Variants in IL12RB1 observed in about 807,000 individuals in gnomAD.
IL12RB1 encodes interleukin 12 receptor subunit beta 1.
A neutral mutation model predicts 94.4 loss-of-function variants in IL12RB1; 64 were observed. The ratio of observed to expected loss-of-function variants is 0.68; its 90% CI spans 0.55 to 0.83. The LOEUF (loss-of-function observed/expected upper bound fraction) is 0.83, where lower values mean the gene tolerates loss of function less well. IL12RB1 is among the 40% of genes least tolerant of loss of function. The pLI is 0.00. For synonymous variants in IL12RB1, 362 were observed against 355.5 expected (o/e 1.02, Z -0.21); for missense variants, 814 against 855.6 (o/e 0.95, Z 0.61).
At chr19:18,069,763 C>A in intron 9 of IL12RB1, 50 bp from the exon 10 acceptor site, 1 of 1,354,808 alleles carries the variant, frequency 7.4e-7, no homozygotes, top group Non-Finnish European at 1.1e-6. Context: ...TCTCTCTCCC[C>A]AGTCCCCTTC....
chr19:18,088,752 G>T (rs906538831), upstream of IL12RB1, among the ~76,000 whole-genome samples: 5 of 151,912 alleles, frequency 3.3e-5, no homozygotes, highest in African/African-American at 4.8e-5. Context: ...ATGCTGGGCT[G>T]GGTGCAGTGG....
upstream of IL12RB1, chr19:18,087,027 G>T: frequency 8.9e-7 from 1 of 1,125,892 alleles, no homozygotes; most frequent in South Asian, 1.5e-5. Context: ...CAGCTCCGTG[G>T]TGGTGGTGAT....
Position 18,082,187 on chromosome 19 carries a change from C to A in IL12RB1, c.202G>T (p.Gly68Cys), listed in dbSNP as rs538026254. The A allele has an allele frequency of 6.2e-7, 1 of 1,613,702 alleles. No individual in the cohort carries two copies. The highest frequency in any genetic ancestry group is 2.2e-5 in the East Asian group (1 of 44,864). The change falls in exon 3 of 17, where the codon GGT becomes TGT. Residue 68 changes from glycine (G) to cysteine (C), a missense_variant. By Grantham distance (159) the Gly-to-Cys change is radical. Coordinates refer to ENST00000593993, the MANE Select transcript of IL12RB1 (RefSeq NM_005535.3). The part of the protein sequence containing the change: ...DRYECSWQYE[G>C]PTAGVSHFLR... Reference sequence around the variant, plus strand: ...AAGTGGCTGACCCCAGCTGTGGGACCCTCATACTGCCAGGAGCACTCGTAA... The same window carrying A: ...AAGTGGCTGACCCCAGCTGTGGGACACTCATACTGCCAGGAGCACTCGTAA...
At chr19:18,064,146 T>TC (rs1348795864) in intron 12 of IL12RB1, 136 bp from the exon 13 acceptor site, 12 of 601,936 alleles carry the variant, frequency 2.0e-5, no homozygotes, top group Non-Finnish European at 3.2e-5. Flanking sequence ...TTCTTTTTTT[T>TC]TTTTTTTTTT....
At chr19:18,061,060 G>A (rs1211964366) in intron 15 of IL12RB1, 62 bp downstream of exon 15, 8 of 873,698 alleles carry the variant, frequency 9.2e-6, no homozygotes, top group Admixed American at 5.9e-5. Context: ...GAGCTAATGC[G>A]TAACCCTTGT....
intron 1 of IL12RB1, among the ~76,000 whole-genome samples, chr19:18,084,382 T>TCATC (rs1411522699): frequency 1.5e-5 from 2 of 134,710 alleles, no homozygotes; most frequent in East Asian, 5.0e-4. Flanking sequence ...ATTCGTCCAT[T>TCATC]CATCCATCCA....
intron 7 of IL12RB1, among the ~76,000 whole-genome samples, chr19:18,074,380 T>C (rs555977179): frequency 2.2e-4 from 33 of 152,250 alleles, no homozygotes; most frequent in African/African-American, 7.7e-4. Flanking sequence ...AGCTGTTTAG[T>C]ACACCCTGCC....
chr19:18,062,011 G>A (rs1599442865), intron 14 of IL12RB1, among the ~76,000 whole-genome samples, 170 bp downstream of exon 14: 1 of 152,330 alleles, frequency 6.6e-6, no homozygotes, highest in African/African-American at 2.4e-5. Context: ...AGGCAGTCAC[G>A]GAGCTATAAC....
intron 9 of IL12RB1, among the ~76,000 whole-genome samples, chr19:18,070,338 G>A (rs1187819388): frequency 2.0e-5 from 3 of 152,224 alleles, no homozygotes; most frequent in East Asian, 1.9e-4. Context: ...CCTTGTAGGC[G>A]TCTCCGGCTG....
At chr19:18,083,757 C>CATCCATCG (rs1369499670) in intron 1 of IL12RB1, among the ~76,000 whole-genome samples, 2 of 151,552 alleles carry the variant, frequency 1.3e-5, no homozygotes, top group African/African-American at 4.9e-5. Flanking sequence ...TCCATCCATC[C>CATCCATCG]ATCCATCCAT....
At chr19:18,089,866 C>T (rs572684819), upstream of IL12RB1, among the ~76,000 whole-genome samples, 2 of 152,240 alleles carry the variant, frequency 1.3e-5, no homozygotes, top group South Asian at 2.1e-4. Flanking sequence ...GGGTCAGGCG[C>T]CCAGCAGGCT....
intron 16 of IL12RB1, 40 bp from the exon 17 acceptor site, chr19:18,059,653 T>A: frequency 1.3e-6 from 1 of 780,138 alleles, no homozygotes; most frequent in Non-Finnish European, 2.4e-6. Flanking sequence ...CAGGGGGTGG[T>A]TGTAGGGATT....
At chr19:18,097,677 G>A in intron 1 of IL12RB1, 1 of 610,472 alleles carries the variant, frequency 1.6e-6, no homozygotes, top group Non-Finnish European at 2.3e-6. Context: ...GGGCTCCCCG[G>A]GAGGGGCGGG....
Position 18,063,934 on chromosome 19 carries a change from C to A in IL12RB1, c.1560G>T (p.Val520=). The change falls in exon 13 of 17, where the codon GTG becomes GTT. Residue 520 remains valine (V), a synonymous_variant. Transcript: ENST00000593993. The part of the protein sequence containing the change: ...LRAGVAYTVQ[V]RADTAWLRGV... Reference sequence around the variant, plus strand: ...CCCTCAGCCACGCTGTGTCTGCTCGCACCTGCACCGTGTAGGCTACACCAG... The same window carrying A: ...CCCTCAGCCACGCTGTGTCTGCTCGAACCTGCACCGTGTAGGCTACACCAG... 1.2e-6 allele frequency: 2 copies of A among 1,613,440 alleles called. No homozygotes were observed. The highest frequency in any genetic ancestry group is 2.2e-5 in the East Asian group (1 of 44,856).
chr19:18,098,901 A>T (rs2037280099), exon 1 of IL12RB1: 2 of 410,240 alleles, frequency 4.9e-6, no homozygotes, highest in Non-Finnish European at 9.9e-6. Context: ...CGGAGTGATC[A>T]GTTGTGATAA....
At chr19:18,062,854 C>T (rs960000515) in intron 13 of IL12RB1, among the ~76,000 whole-genome samples, 14 of 151,744 alleles carry the variant, frequency 9.2e-5, no homozygotes, top group Middle Eastern at 3.4e-3. Context: ...GGCCTGCCTG[C>T]CCCCCACCAA....
At chr19:18,074,533 A>T (rs575238012) in intron 7 of IL12RB1, among the ~76,000 whole-genome samples, 2 of 152,190 alleles carry the variant, frequency 1.3e-5, no homozygotes, top group South Asian at 4.2e-4. Flanking sequence ...GGATCACTTG[A>T]GGCCAGGAGT....
intron 3 of IL12RB1, among the ~76,000 whole-genome samples, chr19:18,081,855 G>GAAAAA (rs1357322466): frequency 5.3e-5 from 5 of 93,832 alleles, no homozygotes; most frequent in Non-Finnish European, 1.5e-4. Context: ...AAAATGGATG[G>GAAAAA]ATGGATGGAT....
intron 9 of IL12RB1, among the ~76,000 whole-genome samples, chr19:18,070,280 G>T (rs2034927913): frequency 6.6e-6 from 1 of 152,202 alleles, no homozygotes; most frequent in Non-Finnish European, 1.5e-5. Context: ...TCCTTGCCAG[G>T]ATATTCACCA....
Sources: gnomAD v4.1 joint callset for allele counts (sites outside exome capture counted in the v4.1 genomes callset) on GRCh38, gnomAD v4.1.1 for gene constraint, MANE v1.5 for transcripts, NCBI Gene and HGNC (gene_info 2026-07-23, HGNC 2026-07-21) for gene names.